The following GMEB1 variants were observed in gnomAD, a reference collection of about 807,000 sequenced individuals.
GMEB1 encodes glucocorticoid modulatory element binding protein 1, also known as glucocorticoid modulatory element-binding protein 1.
Under a neutral mutation model 52.4 loss-of-function variants are expected in GMEB1, and 6 were observed. The ratio of observed to expected loss-of-function variants is 0.11; its 90% CI spans 0.06 to 0.23. The LOEUF is 0.23. Ranked by LOEUF, GMEB1 falls within the 10% of genes least tolerant of loss-of-function variation. The probability of loss-of-function intolerance (pLI) is 1.00; values close to 1 mark genes in which losing one functional copy is unlikely to be tolerated. For missense variants in GMEB1, 486 were observed against 685.6 expected (o/e 0.71, Z 3.25); for synonymous variants, 255 against 244.9 (o/e 1.04, Z -0.38).
intron 2 of GMEB1, among the ~76,000 whole-genome samples, chr1:28,689,369 G>C (rs1325537849): frequency 6.6e-6 from 1 of 151,862 alleles, no homozygotes; most frequent in African/African-American, 2.4e-5. Context: ...GCTCATGCCT[G>C]TAATACCAGC....
At chr1:28,689,123 C>T (rs946859631) in intron 2 of GMEB1, among the ~76,000 whole-genome samples, 38 of 151,896 alleles carry the variant, frequency 2.5e-4, no homozygotes, top group African/African-American at 7.7e-4. Context: ...CTCCACACCT[C>T]GTGATCCGCC....
At chr1:28,671,952 A>G (rs1298198416) in intron 1 of GMEB1, among the ~76,000 whole-genome samples, 1 of 151,032 alleles carries the variant, frequency 6.6e-6, no homozygotes, top group Admixed American at 6.6e-5. Context: ...CCCTGTCTCT[A>G]CTAAAAAATA....
At chr1:28,674,788 G>A (rs1195028713) in intron 1 of GMEB1, among the ~76,000 whole-genome samples, 1 of 125,818 alleles carries the variant, frequency 7.9e-6, no homozygotes, top group Admixed American at 9.0e-5. Flanking sequence ...GCGGGATCTT[G>A]GCTCACTGCA....
Position 28,690,201 on chromosome 1 carries a change from G to GTTTTTT in GMEB1, c.211+16_211+17insTTTTTT, listed in dbSNP as rs764837396. Reference sequence around the variant, plus strand: ...AGAAGGGATTGGTAAGGGTTTTTTTGTGTTTTTTTTTTTTTTTTTTTTTGT... The same window carrying GTTTTTT: ...AGAAGGGATTGGTAAGGGTTTTTTTGTTTTTTTGTTTTTTTTTTTTTTTTTTTTTGT... On this transcript the variant is annotated intron_variant, in intron 3 of 9. Transcript: ENST00000373816. 6 of 582,942 alleles carry GTTTTTT rather than the reference G, an allele frequency of 1.0e-5. No homozygotes were observed. The African/African-American group carries it at 1.9e-4, about 19-fold the overall frequency. 36.1% of individuals were successfully genotyped at this position (582,942 alleles called of 1,614,324 possible).
intron 9 of GMEB1, among the ~76,000 whole-genome samples, chr1:28,711,912 C>T (rs1274399084): frequency 6.6e-6 from 1 of 152,106 alleles, no homozygotes; most frequent in Non-Finnish European, 1.5e-5. Context: ...GATACTATCC[C>T]CCTGGAGATA....
intron 6 of GMEB1, among the ~76,000 whole-genome samples, chr1:28,702,162 C>T (rs1486133956): frequency 6.6e-6 from 1 of 152,128 alleles, no homozygotes; most frequent in East Asian, 1.9e-4. Flanking sequence ...AACATACCTA[C>T]CTAGGAAACA....
At chr1:28,670,256 G>A (rs1428322712) in intron 1 of GMEB1, among the ~76,000 whole-genome samples, 7 of 152,040 alleles carry the variant, frequency 4.6e-5, no homozygotes, top group Non-Finnish European at 8.8e-5. Flanking sequence ...GGGTTCAAAC[G>A]ATTCTCCTGC....
At position 28,706,459 on chromosome 1, in the gene GMEB1, C is replaced by A. The variant is rs184069557; in HGVS notation, c.868+2130C>A. On this transcript the variant is annotated intron_variant, in intron 8 of 9. Coordinates refer to ENST00000373816, the MANE Select transcript of GMEB1 (RefSeq NM_001319674.2). ...GTCTCTACAAAAATACAAAAATCCG[C>A]GAGGCATGATGGCGGGTGCCTGTAA... Among the ~76,000 whole-genome samples, 608 of 151,662 alleles carry A rather than the reference C, an allele frequency of 4.0e-3. 4 individuals are homozygous for A. The Middle Eastern group carries it at 0.041, about 10-fold the overall frequency.
chr1:28,701,268 CTT>C (rs67909525), intron 6 of GMEB1, among the ~76,000 whole-genome samples: 2 of 109,824 alleles, frequency 1.8e-5, no homozygotes, highest in Non-Finnish European at 3.5e-5. Context: ...TAAAAGCTGT[CTT>C]TTTTTTTTTT....
At chr1:28,670,778 A>G (rs561770711) in intron 1 of GMEB1, among the ~76,000 whole-genome samples, 1 of 152,178 alleles carries the variant, frequency 6.6e-6, no homozygotes, top group East Asian at 1.9e-4. Flanking sequence ...CGGCGGGGGA[A>G]ACTTATTCAA....
intron 2 of GMEB1, among the ~76,000 whole-genome samples, chr1:28,688,903 C>CCTTTTTTTT (rs1669817919): frequency 6.9e-6 from 1 of 144,292 alleles, no homozygotes; most frequent in Non-Finnish European, 1.5e-5. Context: ...TTTTTTTTTT[C>CCTTTTTTTT]TTTTTTGAGA....
chr1:28,679,020 C>T (rs1448626916), intron 1 of GMEB1, among the ~76,000 whole-genome samples: 2 of 152,092 alleles, frequency 1.3e-5, no homozygotes, highest in Non-Finnish European at 2.9e-5. Context: ...AAGCAATTCT[C>T]CTGCCTCAAC....
chr1:28,695,705 G>A (rs1022860820), intron 5 of GMEB1, among the ~76,000 whole-genome samples: 10 of 148,588 alleles, frequency 6.7e-5, no homozygotes, highest in Non-Finnish European at 1.3e-4. Flanking sequence ...TTGGGAGGCC[G>A]AGGCGGGCGG....
chr1:28,692,034 A>G (rs1306873733), intron 4 of GMEB1, among the ~76,000 whole-genome samples: 2 of 146,382 alleles, frequency 1.4e-5, no homozygotes, highest in African/African-American at 2.6e-5. Flanking sequence ...TTTTTTTCAG[A>G]CAGTGACTTT....
intron 1 of GMEB1, among the ~76,000 whole-genome samples, chr1:28,683,328 C>T (rs1266757781): frequency 3.3e-5 from 5 of 152,110 alleles, no homozygotes; most frequent in East Asian, 1.9e-4. Context: ...TGGCTTCAAG[C>T]GATTCTCCTT....
intron 7 of GMEB1, among the ~76,000 whole-genome samples, chr1:28,703,266 A>G (rs1010572220): frequency 3.3e-5 from 5 of 152,146 alleles, no homozygotes; most frequent in African/African-American, 4.8e-5. Context: ...CTTAGAGGGG[A>G]CCAGGAGAGG....
rs200866338 is a variant in GMEB1 at position 28,687,386 on chromosome 1, AC to A, written c.129-2717del. Among the ~76,000 whole-genome samples the A allele has an allele frequency of 2.8e-3, 354 of 128,510 alleles. 30 individuals carry two copies. The highest frequency in any genetic ancestry group is 0.019 in the Middle Eastern group (5 of 262). The allele number at this position is 128,510 out of a possible 152,430, so 84.3% of individuals were successfully genotyped here. ...CACACACACACACACACACACACAC[AC>A]AAAAAAAGACAGTGGAGAATAATGT... On this transcript the variant is annotated intron_variant, in intron 2 of 9. Coordinates refer to ENST00000373816, the MANE Select transcript of GMEB1 (RefSeq NM_001319674.2).
At chr1:28,682,391 G>A (rs760721835) in intron 1 of GMEB1, among the ~76,000 whole-genome samples, 1 of 151,874 alleles carries the variant, frequency 6.6e-6, no homozygotes, top group Non-Finnish European at 1.5e-5. Context: ...AGGCTGAGAC[G>A]GGTGGATCAT....
intron 1 of GMEB1, among the ~76,000 whole-genome samples, chr1:28,674,488 G>A (rs954190291): frequency 1.3e-4 from 19 of 151,842 alleles, no homozygotes; most frequent in Non-Finnish European, 2.1e-4. Flanking sequence ...TCCGCCTCCT[G>A]GGCTCAAGTG....
Sources: allele counts gnomAD v4.1 joint callset (sites outside exome capture counted in the v4.1 genomes callset), GRCh38; gene constraint gnomAD v4.1.1; transcripts MANE v1.5; gene names NCBI Gene and HGNC (gene_info 2026-07-23, HGNC 2026-07-21).